ALDH6A1: variants seen among roughly 807,000 people sequenced by gnomAD.
ALDH6A1 encodes methylmalonate-semialdehyde/malonate-semialdehyde dehydrogenase [acylating], mitochondrial.
In ALDH6A1, 43 loss-of-function variants were observed where a neutral mutation model predicts 62.6. The ratio of observed to expected loss-of-function variants is 0.69; its 90% confidence interval spans 0.54 to 0.89. ALDH6A1 has a LOEUF of 0.89. ALDH6A1 is among the 40% of genes least tolerant of loss of function. ALDH6A1 has a pLI of 0.00. For missense variants in ALDH6A1, 551 were observed against 661.3 expected (o/e 0.83, Z 1.83); for synonymous variants, 194 against 234.2 (o/e 0.83, Z 1.57).
intron 1 of ALDH6A1, among the ~76,000 whole-genome samples, chr14:74,077,976 T>C (rs1291119668): frequency 6.6e-6 from 1 of 152,198 alleles, no homozygotes; most frequent in Non-Finnish European, 1.5e-5. Context: ...CACGGTGATT[T>C]CTGCCTGTAG....
intron 6 of ALDH6A1, chr14:74,070,660 T>A (rs979243913): frequency 1.7e-4 from 21 of 126,662 alleles, no homozygotes; most frequent in African/African-American, 7.6e-4. Context: ...GGTATACACA[T>A]CCTGGCTTTT....
rs368635993 is a variant in ALDH6A1, at chr14:74,057,993, C to CTAA, written c.*2648_*2649insTTA. On this transcript the variant is annotated 3_prime_UTR_variant, in exon 12 of 12. Transcript: ENST00000553458. The stretch of plus-strand genomic sequence containing the variant: ...CACTTGGAATATAGACAATAATGAC[C>CTAA]TTTTATTTAACCCAGCCTATAGTTG... The CTAA allele has an allele frequency of 1.3e-3, 1,027 of 791,750 alleles. 3 individuals are homozygous for CTAA. The African/African-American group carries it at 0.014, about 11-fold the overall frequency. 49.0% of individuals were successfully genotyped at this position (791,750 alleles called of 1,614,324 possible).
rs888321089 is a variant in ALDH6A1 at position 74,064,602 on chromosome 14, G to A, written c.1503+220C>T. ...TATACAAAGGCTTAGACTTCCCCAT[G>A]CTCTTTCCTCAAAACTTTGTTGCTT... On this transcript the variant is annotated intron_variant, in intron 11 of 11. Transcript: ENST00000553458. The A allele has an allele frequency of 7.3e-5, 96 of 1,314,222 alleles. 1 individual carries two copies. The highest frequency in any genetic ancestry group is 6.2e-4 in the Admixed American group (37 of 59,532). 81.4% of individuals were successfully genotyped at this position (1,314,222 alleles called of 1,614,324 possible).
At position 74,057,101 on chromosome 14, in the gene ALDH6A1, G is replaced by A; in HGVS notation, c.*3541C>T. 1.2e-6 allele frequency: 2 copies of A among 1,604,492 alleles called. No individual in the cohort carries two copies. Among genetic ancestry groups the A allele is most frequent in the Non-Finnish European group, 1.7e-6 (2 of 1,174,294 alleles). On this transcript the variant is annotated 3_prime_UTR_variant, in exon 12 of 12. Coordinates refer to ENST00000553458, the MANE Select transcript of ALDH6A1 (RefSeq NM_005589.4). ...TGTTATTCTAAACCAGGTTTCATGTGTGTAGAGTTGTTGACGGTTCTGTTA... is the reference window on the plus strand; with the variant it reads ...TGTTATTCTAAACCAGGTTTCATGTATGTAGAGTTGTTGACGGTTCTGTTA...
Position 74,084,419 on chromosome 14 carries a change from A to C in ALDH6A1, c.-25T>G, listed in dbSNP as rs1595138479. 1 of 1,611,090 alleles carries C rather than the reference A, an allele frequency of 6.2e-7. No individual in the cohort carries two copies. Among genetic ancestry groups the C allele is most frequent in the Non-Finnish European group, 8.5e-7 (1 of 1,179,460 alleles). ...TGGCTCTCGGCCGCCCTAGCTCCGCACCCCGCGCCTCTACTGCCCAGAAGC... is the reference window on the plus strand; with the variant it reads ...TGGCTCTCGGCCGCCCTAGCTCCGCCCCCCGCGCCTCTACTGCCCAGAAGC... On this transcript the variant is annotated 5_prime_UTR_variant, in exon 1 of 12. Transcript: ENST00000553458.
At chr14:74,066,937 C>T in intron 8 of ALDH6A1, 51 bp from the exon 9 acceptor site, 1 of 1,551,282 alleles carries the variant, frequency 6.4e-7, no homozygotes, top group South Asian at 1.1e-5. Flanking sequence ...TAAATTATGA[C>T]TGCTGCCAGG....
rs369474630 is a variant in ALDH6A1 at position 74,072,618 on chromosome 14, A to C, written c.112-7T>G. Reference sequence around the variant, plus strand: ...TGAAGAGCTTTACAGTTGGCTGAAAAAAACAAACAAACAAACAAACAAACA... The same window carrying C: ...TGAAGAGCTTTACAGTTGGCTGAAACAAACAAACAAACAAACAAACAAACA... On this transcript the variant is annotated splice_polypyrimidine_tract_variant and splice_region_variant and intron_variant, in intron 2 of 11. Transcript: ENST00000553458. The C allele has an allele frequency of 2.2e-4, 358 of 1,607,652 alleles. 1 individual carries two copies. Among genetic ancestry groups the C allele is most frequent in the South Asian group, 7.7e-4 (70 of 90,912 alleles).
rs1207317129 is a variant in ALDH6A1, at chr14:74,070,752, C to G, written c.730+443G>C. On this transcript the variant is annotated intron_variant, in intron 6 of 11. Coordinates refer to ENST00000553458, the MANE Select transcript of ALDH6A1 (RefSeq NM_005589.4). ...CAAAATGGAAAAATAATACCTACCT[C>G]AAAGGGTGATTATAAAGATTAATAG... 3.3e-5 allele frequency: 6 copies of G among 182,918 alleles called. No individual in the cohort carries two copies. In the East Asian group the frequency reaches 9.2e-4, roughly 28 times the overall value. 11.3% of individuals were successfully genotyped at this position (182,918 alleles called of 1,614,324 possible). A position where few individuals can be genotyped will look rare whatever the true frequency, so the allele number is the denominator to read the frequency against.
chr14:74,080,128 G>A (rs1297416512), intron 1 of ALDH6A1, among the ~76,000 whole-genome samples: 2 of 152,124 alleles, frequency 1.3e-5, no homozygotes, highest in African/African-American at 4.8e-5. Flanking sequence ...CCACCTCTCG[G>A]TAAATAGGGC....
rs564150185 is a variant in ALDH6A1 at position 74,062,244 on chromosome 14, C to T, written c.1504-1498G>A. Among the ~76,000 whole-genome samples the T allele has an allele frequency of 5.9e-5, 9 of 151,886 alleles. 1 individual carries two copies. In the South Asian group the frequency reaches 1.7e-3, roughly 28 times the overall value. ...GGGTGGGCAGGGAACAATTTTTAAA[C>T]AATAGTTGTACTCTGTTTTGCTTAA... On this transcript the variant is annotated intron_variant, in intron 11 of 11. Transcript: ENST00000553458.
At position 74,071,181 on chromosome 14, in the gene ALDH6A1, A is replaced by C. The variant is rs371365636; in HGVS notation, c.730+14T>G. The C allele has an allele frequency of 1.2e-6, 2 of 1,611,424 alleles. No homozygotes were observed. Among genetic ancestry groups the C allele is most frequent in the Non-Finnish European group, 1.7e-6 (2 of 1,177,714 alleles). ...GTAGCCAGATTAAGTAGCCATATGC[A>C]TAAGGGCAGTTACCTTCATGCTGTC... On this transcript the variant is annotated intron_variant, in intron 6 of 11. Coordinates refer to ENST00000553458, the MANE Select transcript of ALDH6A1 (RefSeq NM_005589.4).
intron 1 of ALDH6A1, chr14:74,078,275 A>G (rs559426868): frequency 2.2e-6 from 1 of 455,894 alleles, no homozygotes; most frequent in Non-Finnish European, 4.4e-6. Flanking sequence ...CTAATGGAGA[A>G]GGTAGCCAGC....
In ALDH6A1 at chr14:74,057,744, C is replaced by T. The variant is rs891420554; in HGVS notation, c.*2898G>A. The T allele has an allele frequency of 7.0e-6, 8 of 1,148,814 alleles. No homozygotes were observed. The African/African-American group carries it at 1.2e-4, about 17-fold the overall frequency. The allele number at this position is 1,148,814 out of a possible 1,614,324, so 71.2% of individuals were successfully genotyped here. A position where few individuals can be genotyped will look rare whatever the true frequency, so the allele number is the denominator to read the frequency against. ...GAATCTGAGAAATTTCAAATGAAGC[C>T]ACATTAGAACAAAAAGAAAATACTG... On this transcript the variant is annotated 3_prime_UTR_variant, in exon 12 of 12. Transcript: ENST00000553458.
At chr14:74,068,033 CAAT>C (rs1293813013) in intron 7 of ALDH6A1, among the ~76,000 whole-genome samples, 1 of 148,280 alleles carries the variant, frequency 6.7e-6, no homozygotes, top group Non-Finnish European at 1.5e-5. Flanking sequence ...AGCCTTACAG[CAAT>C]AATGCCAGTA....
rs113554199 is a variant in ALDH6A1 at position 74,075,798 on chromosome 14, T to C, written c.49-781A>G. Among the ~76,000 whole-genome samples, 300 of 152,354 alleles carry C rather than the reference T, an allele frequency of 2.0e-3. 2 individuals carry two copies. The highest frequency in any genetic ancestry group is 6.9e-3 in the African/African-American group (287 of 41,580). On this transcript the variant is annotated intron_variant, in intron 1 of 11. Transcript: ENST00000553458. ...AAATGAATGTTCATAAGAACTTTAT[T>C]TGTAGTAGCCCAAAACTTGGAAACA...
chr14:74,078,389 T>C, intron 1 of ALDH6A1: 1 of 374,152 alleles, frequency 2.7e-6, no homozygotes, highest in South Asian at 2.1e-5. Context: ...GGTCTCGTCC[T>C]GTCTCCTAGG....
chr14:74,060,770 A>G (rs1242415964), intron 11 of ALDH6A1, 24 bp from the exon 12 acceptor site: 2 of 1,519,212 alleles, frequency 1.3e-6, no homozygotes, highest in Non-Finnish European at 1.8e-6. Flanking sequence ...AAAAAAAGTT[A>G]GCATATATTT....
rs1328007157 is a variant in ALDH6A1 at position 74,057,627 on chromosome 14, TA to T, written c.*3014del. The T allele has an allele frequency of 1.6e-5, 22 of 1,334,566 alleles. No homozygotes were observed. The highest frequency in any genetic ancestry group is 2.1e-4 in the Middle Eastern group (1 of 4,698). 82.7% of individuals were successfully genotyped at this position (1,334,566 alleles called of 1,614,324 possible). A position where few individuals can be genotyped will look rare whatever the true frequency, so the allele number is the denominator to read the frequency against. ...CATTACAACCTAGAGGACAAAGGCT[TA>T]TAAGGAGATATGAAATGATTTTTTT... On this transcript the variant is annotated 3_prime_UTR_variant, in exon 12 of 12. Transcript: ENST00000553458.
At position 74,066,861 on chromosome 14, in the gene ALDH6A1, G is replaced by A; in HGVS notation, c.1068C>T (p.Gly356=). Residue 356 remains glycine, a synonymous_variant, in exon 9 of 12, where the codon GGC becomes GGT. Transcript: ENST00000553458. The part of the protein sequence containing the change: ...NAGDQPGADL[G]PLITPQAKER... ...CTTTGGCCTGGGGAGTGATCAGAGG[G>A]CCAAGATCAGCTCCAGGCTGATCTC... The A allele has an allele frequency of 1.2e-6, 2 of 1,613,954 alleles. No homozygotes were observed. The highest frequency in any genetic ancestry group is 8.5e-7 in the Non-Finnish European group (1 of 1,179,936).
Sources: allele counts gnomAD v4.1 joint callset (sites outside exome capture counted in the v4.1 genomes callset), GRCh38; gene constraint gnomAD v4.1.1; transcripts MANE v1.5; gene names NCBI Gene and HGNC (gene_info 2026-07-23, HGNC 2026-07-21).